PARVA: variants seen among roughly 807,000 people sequenced by gnomAD.
PARVA encodes the protein alpha-parvin.
In PARVA, 25 loss-of-function variants were observed where a neutral mutation model predicts 52.6. The ratio of observed to expected loss-of-function variants is 0.48; its 90% CI spans 0.35 to 0.66. The LOEUF is 0.66. PARVA is among the 30% of genes least tolerant of loss of function. The pLI is 0.01. For synonymous variants in PARVA, 185 were observed against 179.1 expected (o/e 1.03, Z -0.26); for missense variants, 373 against 450.9 (o/e 0.83, Z 1.56).
At chr11:12,491,496 G>A (rs993964450) in intron 4 of PARVA, among the ~76,000 whole-genome samples, 8 of 152,202 alleles carry the variant, frequency 5.3e-5, no homozygotes, top group South Asian at 4.2e-4. Context: ...TGAGGGACAC[G>A]CGAAGGTTGA....
At chr11:12,457,133 C>A (rs1940708022) in intron 1 of PARVA, among the ~76,000 whole-genome samples, 1 of 152,140 alleles carries the variant, frequency 6.6e-6, no homozygotes, top group Non-Finnish European at 1.5e-5. Flanking sequence ...GAATAATTAT[C>A]CATTGAATCG....
At chr11:12,524,281 C>T (rs922159416) in intron 12 of PARVA, among the ~76,000 whole-genome samples, 2 of 152,146 alleles carry the variant, frequency 1.3e-5, no homozygotes, top group Non-Finnish European at 2.9e-5. Context: ...CCAATTTTAC[C>T]AGTGAGAAAA....
intron 12 of PARVA, among the ~76,000 whole-genome samples, chr11:12,520,108 T>C (rs2135085747): frequency 6.6e-6 from 1 of 152,370 alleles, no homozygotes; most frequent in Non-Finnish European, 1.5e-5. Context: ...TTTCCCAATA[T>C]AAATCAATCT....
chr11:12,496,657 G>C, intron 5 of PARVA, 59 bp downstream of exon 5: 2 of 1,538,074 alleles, frequency 1.3e-6, no homozygotes. Flanking sequence ...CTGCCATGGG[G>C]CTTCCCCAAG....
chr11:12,388,353 C>T (rs1280343350), intron 1 of PARVA, among the ~76,000 whole-genome samples: 1 of 152,222 alleles, frequency 6.6e-6, no homozygotes, highest in East Asian at 1.9e-4. Flanking sequence ...GCCAGCCTGC[C>T]AAAGCCTTAG....
At chr11:12,526,620 C>G (rs1454072753) in intron 12 of PARVA, among the ~76,000 whole-genome samples, 1 of 152,182 alleles carries the variant, frequency 6.6e-6, no homozygotes, top group African/African-American at 2.4e-5. Context: ...CTTCAACTTG[C>G]CCTGCATCCT....
chr11:12,496,344 A>ATGC, intron 4 of PARVA, 114 bp from the exon 5 acceptor site: 1 of 1,107,562 alleles, frequency 9.0e-7, no homozygotes, highest in South Asian at 1.6e-5. Context: ...CTATTGTTGC[A>ATGC]AGAGTGCATG....
intron 4 of PARVA, among the ~76,000 whole-genome samples, chr11:12,484,930 C>T (rs1941140140): frequency 6.6e-6 from 1 of 151,178 alleles, no homozygotes; most frequent in African/African-American, 2.4e-5. Flanking sequence ...CTTCCCATCT[C>T]AGCCTCCCAG....
chr11:12,432,500 G>A (rs773146627), intron 1 of PARVA, among the ~76,000 whole-genome samples: 3 of 152,190 alleles, frequency 2.0e-5, no homozygotes, highest in Non-Finnish European at 4.4e-5. Context: ...GTCTCCCAAT[G>A]GCTCTGCCGT....
At position 12,477,687 on chromosome 11, in the gene PARVA, A is replaced by G. The variant is rs548446986; in HGVS notation, c.298-160A>G. Among the ~76,000 whole-genome samples the G allele has an allele frequency of 1.3e-3, 184 of 140,436 alleles. 1 individual carries two copies. Among genetic ancestry groups the G allele is most frequent in the Non-Finnish European group, 2.5e-3 (151 of 61,060 alleles). The allele number at this position is 140,436 out of a possible 152,430, so 92.1% of individuals were successfully genotyped here. ...CACTTGAGCCCAGGAGTTTAAGTCCAGCCTAGGCAACATAGTGAGACCCCA... is the reference window on the plus strand; with the variant it reads ...CACTTGAGCCCAGGAGTTTAAGTCCGGCCTAGGCAACATAGTGAGACCCCA... On this transcript the variant is annotated intron_variant, in intron 3 of 12. Coordinates refer to ENST00000334956, the MANE Select transcript of PARVA (RefSeq NM_018222.5).
chr11:12,520,137 A>G (rs1015617265), intron 12 of PARVA, among the ~76,000 whole-genome samples: 2 of 152,246 alleles, frequency 1.3e-5, no homozygotes, highest in Admixed American at 1.3e-4. Flanking sequence ...ATTTTGGAAT[A>G]TAGGTGATAT....
chr11:12,515,500 CACTGCCA>C (rs1411408444), intron 10 of PARVA, among the ~76,000 whole-genome samples: 1 of 152,162 alleles, frequency 6.6e-6, no homozygotes, highest in Non-Finnish European at 1.5e-5. Flanking sequence ...TGACAGGGGT[CACTGCCA>C]AGCACTTTGG....
At chr11:12,391,812 A>G (rs570458535) in intron 1 of PARVA, among the ~76,000 whole-genome samples, 14 of 152,366 alleles carry the variant, frequency 9.2e-5, no homozygotes, top group Non-Finnish European at 2.1e-4. Context: ...GCTCAAGTCC[A>G]GAGGAGAGGT....
At chr11:12,504,531 T>C (rs1206832783) in intron 6 of PARVA, 102 bp downstream of exon 6, 2 of 710,632 alleles carry the variant, frequency 2.8e-6, no homozygotes, top group Non-Finnish European at 5.0e-6. Context: ...GCTGCATGAA[T>C]GTTGAGTGAG....
intron 1 of PARVA, among the ~76,000 whole-genome samples, chr11:12,423,713 A>G (rs1488585317): frequency 6.6e-6 from 1 of 152,158 alleles, no homozygotes; most frequent in East Asian, 1.9e-4. Context: ...CATTTATTAA[A>G]TGGTGATTCC....
chr11:12,445,349 G>A (rs1001237793), intron 1 of PARVA, among the ~76,000 whole-genome samples: 3 of 152,130 alleles, frequency 2.0e-5, no homozygotes, highest in Admixed American at 6.5e-5. Flanking sequence ...TGTGGGGAGG[G>A]CCACCCAACA....
intron 1 of PARVA, among the ~76,000 whole-genome samples, chr11:12,435,230 C>T (rs1021429375): frequency 6.6e-6 from 1 of 152,320 alleles, no homozygotes; most frequent in South Asian, 2.1e-4. Context: ...AAGGCTCCCC[C>T]CTCTCTCTGA....
chr11:12,415,473 A>G (rs941472300), intron 1 of PARVA, among the ~76,000 whole-genome samples: 4 of 151,420 alleles, frequency 2.6e-5, no homozygotes, highest in African/African-American at 7.3e-5. Context: ...ATGTGCTTCA[A>G]TAACCAGGCA....
At chr11:12,484,504 G>GGGGTGT (rs1554899939) in intron 4 of PARVA, among the ~76,000 whole-genome samples, 1 of 144,586 alleles carries the variant, frequency 6.9e-6, no homozygotes, top group African/African-American at 2.6e-5. Flanking sequence ...GTTTTGTTTT[G>GGGGTGT]GTGTGTGTGT....
Sources: gnomAD v4.1 joint callset for allele counts (sites outside exome capture counted in the v4.1 genomes callset) on GRCh38, gnomAD v4.1.1 for gene constraint, MANE v1.5 for transcripts, NCBI Gene and HGNC (gene_info 2026-07-23, HGNC 2026-07-21) for gene names.